OSBPL5: variants seen among roughly 807,000 people sequenced by gnomAD.
The protein encoded by OSBPL5 is oxysterol binding protein like 5.
Under a neutral mutation model 111.2 loss-of-function variants are expected in OSBPL5, and 71 were observed. The ratio of observed to expected loss-of-function variants is 0.64; its 90% confidence interval spans 0.53 to 0.78. The LOEUF (loss-of-function observed/expected upper bound fraction) is 0.78. Among genes scored for constraint, OSBPL5 ranks in the 30% least tolerant of loss-of-function variants. The probability of loss-of-function intolerance (pLI) is 0.00; values close to 1 mark genes in which losing one functional copy is unlikely to be tolerated. For synonymous variants in OSBPL5, 549 were observed against 513.9 expected (o/e 1.07, Z -0.93); for missense variants, 1,210 against 1,189.3 (o/e 1.02, Z -0.26).
At chr11:3,135,719 C>T (rs561296457) in intron 1 of OSBPL5, among the ~76,000 whole-genome samples, 1 of 152,238 alleles carries the variant, frequency 6.6e-6, no homozygotes, top group South Asian at 2.1e-4. Flanking sequence ...GGTGGCAGCG[C>T]CTGGGGGCCG....
chr11:3,124,297 A>G (rs975500401), intron 3 of OSBPL5, among the ~76,000 whole-genome samples: 1 of 152,194 alleles, frequency 6.6e-6, no homozygotes, highest in African/African-American at 2.4e-5. Flanking sequence ...AAACGGCACA[A>G]GATGGGGTGC....
In OSBPL5 at chr11:3,165,064, C is replaced by A. The variant is rs1847079163; in HGVS notation, c.-22+152G>T. 1.3e-5 allele frequency among the ~76,000 whole-genome samples: 2 copies of A among 150,932 alleles called. No homozygotes were observed. Among genetic ancestry groups the A allele is most frequent in the Middle Eastern group, 6.8e-3 (2 of 292 alleles). On this transcript the variant is annotated intron_variant, in intron 1 of 21. Coordinates refer to ENST00000263650, the MANE Select transcript of OSBPL5 (RefSeq NM_020896.4). This position sits in a 1 kb window ranked among gnomAD's most constrained non-coding sequence, Gnocchi z 7.4. Reference sequence around the variant, plus strand: ...TCCCCGCACTGGCTACTGCCAGGGTCCGCGGGGCTGCGGCGCGAGCTCCTG... The same window carrying A: ...TCCCCGCACTGGCTACTGCCAGGGTACGCGGGGCTGCGGCGCGAGCTCCTG...
Position 3,142,295 on chromosome 11 carries a change from G to T in OSBPL5, c.-21-13126C>A, listed in dbSNP as rs2134513766. Among the ~76,000 whole-genome samples the T allele has an allele frequency of 6.6e-6, 1 of 152,334 alleles. No homozygotes were observed. The highest frequency in any genetic ancestry group is 3.4e-3 in the Middle Eastern group (1 of 294). On this transcript the variant is annotated intron_variant, in intron 1 of 21. Coordinates refer to ENST00000263650, the MANE Select transcript of OSBPL5 (RefSeq NM_020896.4). This position sits in a 1 kb window ranked among gnomAD's most constrained non-coding sequence, Gnocchi z 7.1. ...CGGCAGGTTGGTGCAGGAGGTGCTG[G>T]GCCCTGGTGCCACCCCAAAGTCCAC...
chr11:3,104,043 T>C lies in OSBPL5; in HGVS notation c.1244+150A>G. 9.8e-7 allele frequency: 1 copy of C among 1,016,052 alleles called. No homozygotes were observed. The highest frequency in any genetic ancestry group is 1.4e-6 in the Non-Finnish European group (1 of 716,090). 62.9% of individuals were successfully genotyped at this position (1,016,052 alleles called of 1,614,324 possible). ...GGCCCATCTTGGAGACAGGGCCCCC[T>C]GGGAGGCTACAGCTGCAGAAACAGT... On this transcript the variant is annotated intron_variant, in intron 10 of 21. Coordinates refer to ENST00000263650, the MANE Select transcript of OSBPL5 (RefSeq NM_020896.4). This position sits in a 1 kb window ranked among gnomAD's most constrained non-coding sequence, Gnocchi z 5.0.
At chr11:3,090,415 G>T in intron 20 of OSBPL5, 143 bp downstream of exon 20, 2 of 1,152,740 alleles carry the variant, frequency 1.7e-6, no homozygotes, top group East Asian at 2.5e-5. Flanking sequence ...CTGCTGGGGG[G>T]CCCCTCAGGG....
At position 3,141,345 on chromosome 11, in the gene OSBPL5, C is replaced by T. The variant is rs918309415; in HGVS notation, c.-21-12176G>A. On this transcript the variant is annotated intron_variant, in intron 1 of 21. Coordinates refer to ENST00000263650, the MANE Select transcript of OSBPL5 (RefSeq NM_020896.4). The surrounding 1 kb of genome is among the most constrained non-coding windows in gnomAD (Gnocchi z 6.5). ...GTCCAGCATCCTCCCTGTGACTCTGCATAGTGGGAAGGACGTGGATTCTAG... is the reference window on the plus strand; with the variant it reads ...GTCCAGCATCCTCCCTGTGACTCTGTATAGTGGGAAGGACGTGGATTCTAG... 6.6e-6 allele frequency among the ~76,000 whole-genome samples: 1 copy of T among 152,146 alleles called. No individual in the cohort carries two copies. Among genetic ancestry groups the T allele is most frequent in the East Asian group, 1.9e-4 (1 of 5,174 alleles).
intron 1 of OSBPL5, among the ~76,000 whole-genome samples, chr11:3,145,176 G>A (rs919566879): frequency 3.3e-5 from 5 of 152,180 alleles, no homozygotes; most frequent in African/African-American, 1.2e-4. Context: ...TGGATTTGAC[G>A]AAGCCCATCA....
At chr11:3,150,629 T>TG (rs369959283) in intron 1 of OSBPL5, among the ~76,000 whole-genome samples, 34 of 152,266 alleles carry the variant, frequency 2.2e-4, no homozygotes, top group African/African-American at 8.2e-4. Flanking sequence ...AACATGCCTC[T>TG]GGGGGGAGCA....
At chr11:3,164,772 C>T (rs1847062707) in intron 1 of OSBPL5, among the ~76,000 whole-genome samples, 1 of 152,226 alleles carries the variant, frequency 6.6e-6, no homozygotes, top group African/African-American at 2.4e-5. Context: ...CCATCAAGAC[C>T]TGGCTCCTTG....
intron 7 of OSBPL5, among the ~76,000 whole-genome samples, chr11:3,119,010 GTTT>G (rs57566057): frequency 6.8e-6 from 1 of 146,650 alleles, no homozygotes; most frequent in Non-Finnish European, 1.5e-5. Context: ...GTGACAGGTG[GTTT>G]TTTTTTTTTC....
At chr11:3,153,103 CG>C (rs1564867128) in intron 1 of OSBPL5, among the ~76,000 whole-genome samples, 4 of 152,128 alleles carry the variant, frequency 2.6e-5, no homozygotes, top group Admixed American at 1.3e-4. Context: ...GTCCCGGCTA[CG>C]AGGTGAGCTG....
chr11:3,090,664 G>A lies in OSBPL5; in HGVS notation c.2292C>T (p.Ala764=), dbSNP rs751152103. 6.8e-6 allele frequency: 11 copies of A among 1,612,126 alleles called. No homozygotes were observed. Among genetic ancestry groups the A allele is most frequent in the Non-Finnish European group, 9.3e-6 (11 of 1,179,790 alleles). The part of the protein sequence containing the change: ...RSGPDQRLRK[A]SDQPSGHSQA... ...GGCTGTGGCCGGAGGGCTGGTCGCT[G>A]GCCTTGCGAAGCCGCTGGTCTGGGC... is the stretch of plus-strand genomic sequence containing the variant. Residue 764 remains alanine (A), a synonymous_variant, in exon 20 of 22, where the codon GCC becomes GCT. Coordinates refer to ENST00000263650, the MANE Select transcript of OSBPL5 (RefSeq NM_020896.4).
intron 1 of OSBPL5, among the ~76,000 whole-genome samples, chr11:3,157,006 G>A (rs1846783959): frequency 1.3e-5 from 2 of 152,234 alleles, no homozygotes; most frequent in African/African-American, 4.8e-5. Flanking sequence ...AGGTCAGACG[G>A]GCCACTCCTC....
chr11:3,129,044 G>A lies in OSBPL5; in HGVS notation c.105C>T (p.Ser35=), dbSNP rs370735370. 20 of 1,587,082 alleles carry A rather than the reference G, an allele frequency of 1.3e-5. No homozygotes were observed. Among genetic ancestry groups the A allele is most frequent in the East Asian group, 9.5e-5 (4 of 42,050 alleles). The change falls in exon 2 of 22, where the codon AGC becomes AGT. Residue 35 remains serine (S), a synonymous_variant. Transcript: ENST00000263650. ...TGAGTGGGTAGAGCTCATTGTCTCC[G>A]CTGAGGAGCAAGTTCCGGGTGAGCT... The part of the protein sequence containing the change: ...PRKLTRNLLL[S]GDNELYPLSP...
Position 3,140,359 on chromosome 11 carries a change from C to A in OSBPL5, c.-21-11190G>T, listed in dbSNP as rs2134508814. Among the ~76,000 whole-genome samples the A allele has an allele frequency of 6.6e-6, 1 of 152,230 alleles. No individual in the cohort carries two copies. Among genetic ancestry groups the A allele is most frequent in the East Asian group, 1.9e-4 (1 of 5,158 alleles). Reference sequence around the variant, plus strand: ...CTGTATCCCTCAGGTGCTGGACAGGCAGGGTAGGGCTCACAGCCAAGCTAG... The same window carrying A: ...CTGTATCCCTCAGGTGCTGGACAGGAAGGGTAGGGCTCACAGCCAAGCTAG... On this transcript the variant is annotated intron_variant, in intron 1 of 21. Coordinates refer to ENST00000263650, the MANE Select transcript of OSBPL5 (RefSeq NM_020896.4). This position sits in a 1 kb window ranked among gnomAD's most constrained non-coding sequence, Gnocchi z 4.5.
At position 3,088,065 on chromosome 11, in the gene OSBPL5, C is replaced by G. The variant is rs1342418162; in HGVS notation, c.*140G>C. 1.2e-5 allele frequency: 10 copies of G among 806,340 alleles called. No individual in the cohort carries two copies. The highest frequency in any genetic ancestry group is 1.8e-5 in the African/African-American group (1 of 56,072). 49.9% of individuals were successfully genotyped at this position (806,340 alleles called of 1,614,324 possible). A position where few individuals can be genotyped will look rare whatever the true frequency, so the allele number is the denominator to read the frequency against. ...CCTGGGCCCGCAGCGCCTTGTGGCC[C>G]CGGGTCCCTCCTGCGCCTGGACTCC... On this transcript the variant is annotated 3_prime_UTR_variant, in exon 22 of 22. Transcript: ENST00000263650.
In OSBPL5 at chr11:3,104,210, G is replaced by A. The variant is rs149452146; in HGVS notation, c.1227C>T (p.His409=). Residue 409 remains histidine, a synonymous_variant, in exon 10 of 22, where the codon CAC becomes CAT. Coordinates refer to ENST00000263650, the MANE Select transcript of OSBPL5 (RefSeq NM_020896.4). The surrounding 1 kb of genome is among the most constrained non-coding windows in gnomAD (Gnocchi z 5.0). The part of the protein sequence containing the change: ...FLNKLSDYYY[H]ADLLSRAAVE... ...GCGCGCACCTGGAGAGCAGGTCTGC[G>A]TGGTAGTAGTAGTCGGAGAGCTTGT... is the stretch of plus-strand genomic sequence containing the variant. The A allele has an allele frequency of 4.6e-4, 742 of 1,610,462 alleles. 3 individuals are homozygous for A. The African/African-American group carries it at 8.0e-3, about 17-fold the overall frequency.
chr11:3,087,921 C>T lies in OSBPL5; in HGVS notation c.*284G>A, dbSNP rs536259570. 117 of 289,680 alleles carry T rather than the reference C, an allele frequency of 4.0e-4. 1 individual carries two copies. In the South Asian group the frequency reaches 0.01, roughly 26 times the overall value. The allele number at this position is 289,680 out of a possible 1,614,324, so 17.9% of individuals were successfully genotyped here. On this transcript the variant is annotated 3_prime_UTR_variant, in exon 22 of 22. Coordinates refer to ENST00000263650, the MANE Select transcript of OSBPL5 (RefSeq NM_020896.4). Reference sequence around the variant, plus strand: ...AGTGGAGGCCGGACAGGGGGTGACACGGCAAGATGGCCAGGAGTGCGTCGC... The same window carrying T: ...AGTGGAGGCCGGACAGGGGGTGACATGGCAAGATGGCCAGGAGTGCGTCGC...
At chr11:3,138,419 G>A (rs1201561565) in intron 1 of OSBPL5, among the ~76,000 whole-genome samples, 1 of 152,264 alleles carries the variant, frequency 6.6e-6, no homozygotes, top group African/African-American at 2.4e-5. Flanking sequence ...GGTGGCAGCA[G>A]GGGTCAGCCG....
Sources: gnomAD v4.1 joint callset for allele counts (sites outside exome capture counted in the v4.1 genomes callset) on GRCh38, gnomAD v4.1.1 for gene constraint, Gnocchi (gnomAD v3.1) non-coding constraint, MANE v1.5 for transcripts, NCBI Gene and HGNC (gene_info 2026-07-23, HGNC 2026-07-21) for gene names.